Variants in SV2B observed in about 807,000 individuals in gnomAD.
The protein encoded by SV2B is solute carrier family 22 member B2.
In SV2B, 41 loss-of-function variants were observed where a neutral mutation model predicts 73.9. The ratio of observed to expected loss-of-function variants is 0.56; its 90% CI spans 0.43 to 0.72. SV2B has a LOEUF of 0.72. SV2B is among the 30% of genes least tolerant of loss of function. The probability of loss-of-function intolerance (pLI) is 0.00; values close to 1 mark genes in which losing one functional copy is unlikely to be tolerated. For synonymous variants in SV2B, 314 were observed against 314.2 expected (o/e 1.00, Z 0.01); for missense variants, 764 against 857.8 (o/e 0.89, Z 1.37).
intron 1 of SV2B, among the ~76,000 whole-genome samples, chr15:91,153,061 C>A (rs1350450367): frequency 6.6e-6 from 1 of 152,070 alleles, no homozygotes; most frequent in African/African-American, 2.4e-5. Flanking sequence ...GTGAACTCTG[C>A]CCTGACATGC....
At chr15:91,182,746 C>G (rs960662569) in intron 1 of SV2B, among the ~76,000 whole-genome samples, 1 of 152,184 alleles carries the variant, frequency 6.6e-6, no homozygotes. Context: ...TTATAGGAAC[C>G]TCATCGAAAT....
intron 1 of SV2B, among the ~76,000 whole-genome samples, chr15:91,145,291 C>G (rs192818533): frequency 3.2e-4 from 48 of 152,292 alleles, no homozygotes. Flanking sequence ...GTTTCCAGCT[C>G]TATCCATGTT....
Position 91,251,885 on chromosome 15 carries a change from G to A in SV2B, c.518G>A (p.Gly173Glu). Residue 173 changes from glycine to glutamate, a missense_variant, in exon 3 of 13, where the codon GGA becomes GAA. By Grantham distance (98) the Gly-to-Glu change is moderately conservative. Transcript: ENST00000394232. The stretch of plus-strand genomic sequence containing the variant: ...CTGGGAGGCCTGGCTGATAAGCTGG[G>A]AAGGAAGCGAGTCCTCAGCATGTCT... ...FILGGLADKL[G>E]RKRVLSMSLA... is the part of the protein sequence containing the mutation. The A allele has an allele frequency of 6.2e-7, 1 of 1,614,208 alleles. No homozygotes were observed. Among genetic ancestry groups the A allele is most frequent in the Non-Finnish European group, 8.5e-7 (1 of 1,180,038 alleles).
In SV2B at chr15:91,125,798, A is replaced by AAAAAAAAAAAAAAAAAG. The variant is rs1567271927; in HGVS notation, c.-392+25437_-392+25438insAAAAAAAAAAAAAAGAA. Among the ~76,000 whole-genome samples the AAAAAAAAAAAAAAAAAG allele has an allele frequency of 1.3e-5, 2 of 150,974 alleles. 1 individual carries two copies. On this transcript the variant is annotated intron_variant, in intron 1 of 12. Coordinates refer to ENST00000394232, the MANE Select transcript of SV2B (RefSeq NM_001323032.3). ...TCAAGGGGCAAAAAAAAAAAAAAAA[A>AAAAAAAAAAAAAAAAAG]AATTCAGTCATTTAAAATTAGGGCA...
At chr15:91,209,248 A>G (rs146946629) in intron 1 of SV2B, among the ~76,000 whole-genome samples, 145 of 150,810 alleles carry the variant, frequency 9.6e-4, no homozygotes, top group Middle Eastern at 3.5e-3. Context: ...CAGCCTCCCA[A>G]CTAGCTGGGA....
chr15:91,154,318 C>G (rs970811625), intron 1 of SV2B, among the ~76,000 whole-genome samples: 2 of 152,008 alleles, frequency 1.3e-5, no homozygotes, highest in African/African-American at 4.8e-5. Flanking sequence ...TACTATGTGC[C>G]GGATGCAGTG....
intron 1 of SV2B, among the ~76,000 whole-genome samples, chr15:91,162,914 T>TC (rs2043774884): frequency 7.0e-6 from 1 of 143,482 alleles, no homozygotes; most frequent in Non-Finnish European, 1.5e-5. Flanking sequence ...ATGCTATCCC[T>TC]CCCCCAACCC....
chr15:91,260,098 G>C (rs774865543), intron 5 of SV2B, among the ~76,000 whole-genome samples: 1 of 152,148 alleles, frequency 6.6e-6, no homozygotes, highest in African/African-American at 2.4e-5. Context: ...TTTACACCTT[G>C]AAAGCACAAC....
rs2046370875 is a variant in SV2B, at chr15:91,226,209, C to T, written c.-55C>T. The T allele has an allele frequency of 3.2e-6, 5 of 1,558,250 alleles. No individual in the cohort carries two copies. The highest frequency in any genetic ancestry group is 3.5e-5 in the Admixed American group (2 of 56,634). Reference sequence around the variant, plus strand: ...GTTATTGAAATAGCCCAAACCTCTACCACAGAGCGAGGGATATAGCTCAAG... The same window carrying T: ...GTTATTGAAATAGCCCAAACCTCTATCACAGAGCGAGGGATATAGCTCAAG... On this transcript the variant is annotated 5_prime_UTR_variant, in exon 2 of 13. Coordinates refer to ENST00000394232, the MANE Select transcript of SV2B (RefSeq NM_001323032.3).
At chr15:91,198,749 G>T (rs1197368509) in intron 1 of SV2B, among the ~76,000 whole-genome samples, 1 of 152,216 alleles carries the variant, frequency 6.6e-6, no homozygotes, top group East Asian at 1.9e-4. Flanking sequence ...TGCCCAGGGA[G>T]AATGGCTGGA....
At position 91,284,325 on chromosome 15, in the gene SV2B, C is replaced by T. The variant is rs1295914985; in HGVS notation, c.1708+104C>T. ...TCCCTTTTATTAAATAATTCTTGCA[C>T]AACAAACCCAACAAGTAAGATTGCA... On this transcript the variant is annotated intron_variant, in intron 11 of 12. Coordinates refer to ENST00000394232, the MANE Select transcript of SV2B (RefSeq NM_001323032.3). This position sits in a 1 kb window ranked among gnomAD's most constrained non-coding sequence, Gnocchi z 4.5. The T allele has an allele frequency of 1.6e-6, 2 of 1,240,402 alleles. No homozygotes were observed. The highest frequency in any genetic ancestry group is 3.0e-5 in the African/African-American group (2 of 67,036). The allele number at this position is 1,240,402 out of a possible 1,614,324, so 76.8% of individuals were successfully genotyped here.
intron 1 of SV2B, among the ~76,000 whole-genome samples, chr15:91,104,501 T>C (rs929836237): frequency 1.3e-4 from 20 of 152,224 alleles, no homozygotes; most frequent in African/African-American, 4.3e-4. Context: ...AGTGGAAAGT[T>C]AGGAAAACAG....
At chr15:91,256,588 G>T (rs1202163854) in intron 4 of SV2B, among the ~76,000 whole-genome samples, 1 of 152,126 alleles carries the variant, frequency 6.6e-6, no homozygotes, top group Non-Finnish European at 1.5e-5. Context: ...CCTCTTTCTA[G>T]TGTTACTCCC....
intron 1 of SV2B, among the ~76,000 whole-genome samples, chr15:91,168,929 A>T (rs993329929): frequency 1.3e-5 from 2 of 152,218 alleles, no homozygotes; most frequent in Non-Finnish European, 2.9e-5. Context: ...ACAGTGAAAC[A>T]CATCATCAGA....
intron 1 of SV2B, among the ~76,000 whole-genome samples, chr15:91,127,831 T>A (rs1298455783): frequency 6.6e-6 from 1 of 152,100 alleles, no homozygotes; most frequent in African/African-American, 2.4e-5. Context: ...GTCCCAGGGG[T>A]TTGCCAGAAT....
intron 1 of SV2B, among the ~76,000 whole-genome samples, chr15:91,186,494 G>A (rs2044775281): frequency 6.6e-6 from 1 of 152,028 alleles, no homozygotes; most frequent in African/African-American, 2.4e-5. Context: ...TCTGAGATTT[G>A]GTTTTCTAAT....
At chr15:91,103,319 T>G (rs1039602536) in intron 1 of SV2B, among the ~76,000 whole-genome samples, 2 of 152,186 alleles carry the variant, frequency 1.3e-5, no homozygotes, top group African/African-American at 4.8e-5. Flanking sequence ...TTCTTTTGAA[T>G]CTTAGTATTA....
Position 91,233,542 on chromosome 15 carries a change from G to A in SV2B, c.451+6828G>A, listed in dbSNP as rs140286007. Among the ~76,000 whole-genome samples, 350 of 152,294 alleles carry A rather than the reference G, an allele frequency of 2.3e-3. 1 individual carries two copies. Among genetic ancestry groups the A allele is most frequent in the Admixed American group, 5.0e-3 (77 of 15,292 alleles). On this transcript the variant is annotated intron_variant, in intron 2 of 12. Coordinates refer to ENST00000394232, the MANE Select transcript of SV2B (RefSeq NM_001323032.3). ...TGAAAATTGAATTCCCAGCCTTGCA[G>A]GGTGTCTTCTGTTAAAGTGAGAACA...
At chr15:91,279,266 G>A (rs981877303) in intron 9 of SV2B, among the ~76,000 whole-genome samples, 1 of 152,290 alleles carries the variant, frequency 6.6e-6, no homozygotes, top group African/African-American at 2.4e-5. Flanking sequence ...TCTTTAGGGT[G>A]ATGCCCTCAA....
Sources: allele counts gnomAD v4.1 joint callset (sites outside exome capture counted in the v4.1 genomes callset), GRCh38; gene constraint gnomAD v4.1.1; non-coding constraint Gnocchi (gnomAD v3.1); transcripts MANE v1.5; gene names NCBI Gene and HGNC (gene_info 2026-07-23, HGNC 2026-07-21).